The following SPATA17 variants were observed in gnomAD, a reference collection of about 807,000 sequenced individuals.
SPATA17 encodes spermatogenesis-associated protein 17.
SPATA17 carries 53 observed loss-of-function variants against 62.2 expected under a neutral mutation model. That is an observed-to-expected ratio of 0.85 (90% confidence interval 0.68 to 1.07). SPATA17 has a LOEUF of 1.07. Ranked by LOEUF, SPATA17 falls within the 50% of genes least tolerant of loss-of-function variation. The pLI is 0.00. For synonymous variants in SPATA17, 146 were observed against 146.8 expected (o/e 0.99, Z 0.04); for missense variants, 466 against 425.5 (o/e 1.10, Z -0.84).
chr1:217,711,252 A>G (rs770542374), intron 5 of SPATA17, among the ~76,000 whole-genome samples: 19 of 152,218 alleles, frequency 1.2e-4, no homozygotes, highest in Non-Finnish European at 2.5e-4. Context: ...GGTAATAAAC[A>G]TAGTACCTTA....
chr1:217,868,335 T>C lies in SPATA17; in HGVS notation c.*1316T>C, dbSNP rs1199558073. ...AAGAAGTGAGTTAAAATACATATAC[T>C]CCTCCTCTTATAATCGGTTATGTGC... On this transcript the variant is annotated 3_prime_UTR_variant, in exon 11 of 11. Coordinates refer to ENST00000366933, the MANE Select transcript of SPATA17 (RefSeq NM_138796.4). 2 of 152,116 alleles carry C rather than the reference T, an allele frequency of 1.3e-5. No homozygotes were observed. Among genetic ancestry groups the C allele is most frequent in the Non-Finnish European group, 2.9e-5 (2 of 68,016 alleles). 9.4% of individuals were successfully genotyped at this position (152,116 alleles called of 1,614,324 possible). A position where few individuals can be genotyped will look rare whatever the true frequency, so the allele number is the denominator to read the frequency against.
chr1:217,740,560 A>G (rs115990206), intron 5 of SPATA17, among the ~76,000 whole-genome samples: 2 of 152,296 alleles, frequency 1.3e-5, no homozygotes, highest in South Asian at 2.1e-4. Context: ...TTTGTTTGGT[A>G]CAGAACAAAT....
Position 217,868,649 on chromosome 1 carries a change from A to G in SPATA17, c.*1630A>G, listed in dbSNP as rs1676067574. On this transcript the variant is annotated 3_prime_UTR_variant, in exon 11 of 11. Coordinates refer to ENST00000366933, the MANE Select transcript of SPATA17 (RefSeq NM_138796.4). ...CTACTGAATGCATTGTAAACCAGAA[A>G]GTATCTGAGACAATGTTTTTTTTTT... is the stretch of plus-strand genomic sequence containing the variant. 1.3e-5 allele frequency: 2 copies of G among 150,718 alleles called. No homozygotes were observed. The highest frequency in any genetic ancestry group is 4.2e-4 in the South Asian group (2 of 4,728). 9.3% of individuals were successfully genotyped at this position (150,718 alleles called of 1,614,324 possible). A position where few individuals can be genotyped will look rare whatever the true frequency, so the allele number is the denominator to read the frequency against.
rs1048154017 is a variant in SPATA17, at chr1:217,868,315, G to A, written c.*1296G>A. 2.0e-5 allele frequency: 3 copies of A among 152,152 alleles called. No individual in the cohort carries two copies. The highest frequency in any genetic ancestry group is 7.2e-5 in the African/African-American group (3 of 41,440). The allele number at this position is 152,152 out of a possible 1,614,324, so 9.4% of individuals were successfully genotyped here. On this transcript the variant is annotated 3_prime_UTR_variant, in exon 11 of 11. Coordinates refer to ENST00000366933, the MANE Select transcript of SPATA17 (RefSeq NM_138796.4). ...GGGATTTAATTTGAAAGTCAAAGAA[G>A]TGAGTTAAAATACATATACTCCTCC...
chr1:217,816,038 A>G (rs923782727), intron 9 of SPATA17, among the ~76,000 whole-genome samples: 4 of 151,952 alleles, frequency 2.6e-5, no homozygotes, highest in Non-Finnish European at 5.9e-5. Flanking sequence ...ATATCCTTTC[A>G]TTGTCATTAA....
intron 4 of SPATA17, among the ~76,000 whole-genome samples, chr1:217,674,715 T>C (rs538336040): frequency 6.6e-6 from 1 of 152,268 alleles, no homozygotes; most frequent in South Asian, 2.1e-4. Context: ...GGATGGATGG[T>C]GAAGTGTTAA....
chr1:217,803,173 A>G (rs981003574), intron 9 of SPATA17, among the ~76,000 whole-genome samples: 1 of 152,042 alleles, frequency 6.6e-6, no homozygotes, highest in Admixed American at 6.6e-5. Context: ...CAGCCTCCCA[A>G]AGTTCTGGGA....
At chr1:217,845,451 G>A (rs2103008823) in intron 9 of SPATA17, among the ~76,000 whole-genome samples, 1 of 152,068 alleles carries the variant, frequency 6.6e-6, no homozygotes, top group African/African-American at 2.4e-5. Flanking sequence ...GGAAGAGATG[G>A]GAAATTATAG....
intron 9 of SPATA17, among the ~76,000 whole-genome samples, chr1:217,821,807 C>T (rs61825859): frequency 0.032 from 4,824 of 152,076 alleles, 111 homozygotes; most frequent in Middle Eastern, 0.065. Flanking sequence ...ATTTCAGATT[C>T]AGAAGTAATG....
At chr1:217,764,256 A>G (rs1216688558) in intron 6 of SPATA17, among the ~76,000 whole-genome samples, 3 of 151,956 alleles carry the variant, frequency 2.0e-5, no homozygotes. Flanking sequence ...CTCCCTCCCT[A>G]CAACCTCCGT....
chr1:217,866,331 C>T (rs904676396), intron 10 of SPATA17: 1 of 152,186 alleles, frequency 6.6e-6, no homozygotes, highest in African/African-American at 2.4e-5. Context: ...ATTATAACCA[C>T]CCCACCTACC....
chr1:217,634,191 C>T (rs1051809934), intron 1 of SPATA17, among the ~76,000 whole-genome samples: 8 of 152,236 alleles, frequency 5.3e-5, no homozygotes, highest in Middle Eastern at 6.8e-3. Context: ...TGCCTGTTGC[C>T]TAGACAGAGC....
intron 9 of SPATA17, among the ~76,000 whole-genome samples, chr1:217,842,966 A>G (rs544918286): frequency 1.3e-5 from 2 of 150,634 alleles, no homozygotes; most frequent in African/African-American, 2.4e-5. Context: ...TTTTTTTTCT[A>G]TATTGACTCA....
At position 217,774,496 on chromosome 1, in the gene SPATA17, C is replaced by T. The variant is rs768392685; in HGVS notation, c.682C>T (p.Arg228Trp). 4.0e-5 allele frequency: 64 copies of T among 1,613,856 alleles called. No homozygotes were observed. The highest frequency in any genetic ancestry group is 2.2e-4 in the Admixed American group (13 of 59,996). The change falls in exon 7 of 11, where the codon CGG becomes TGG. Residue 228 changes from arginine to tryptophan, a missense_variant. Physicochemically the swap from Arg to Trp is moderately radical, Grantham distance 101. Coordinates refer to ENST00000366933, the MANE Select transcript of SPATA17 (RefSeq NM_138796.4). ...TTGTACAAGCGCCCGTTCTTTTCCT[C>T]GGTCTGAAATTCTACCACCTATTAA... Reference protein sequence around the residue: ...LACTSARSFPRSEILPPINRK... With the variant: ...LACTSARSFPWSEILPPINRK...
chr1:217,798,969 T>C (rs1489182407), intron 8 of SPATA17, among the ~76,000 whole-genome samples: 1 of 151,322 alleles, frequency 6.6e-6, no homozygotes, highest in Non-Finnish European at 1.5e-5. Context: ...ACTGAATATA[T>C]ATTAAAAACT....
At chr1:217,760,653 A>G (rs1316814168) in intron 6 of SPATA17, among the ~76,000 whole-genome samples, 1 of 152,194 alleles carries the variant, frequency 6.6e-6, no homozygotes, top group Non-Finnish European at 1.5e-5. Context: ...GCAGAATCCC[A>G]TATAACACTA....
At chr1:217,656,878 G>C (rs193031460) in intron 3 of SPATA17, among the ~76,000 whole-genome samples, 1 of 152,268 alleles carries the variant, frequency 6.6e-6, no homozygotes, top group East Asian at 1.9e-4. Flanking sequence ...CTGTTATGTG[G>C]AGAAGAGTTC....
At chr1:217,749,985 C>CTCTCTCTCTCTCTCTATATATATA in intron 6 of SPATA17, among the ~76,000 whole-genome samples, 4 of 12,312 alleles carry the variant, frequency 3.2e-4, no homozygotes, top group East Asian at 2.3e-3. Flanking sequence ...CTCTCTCTCT[C>CTCTCTCTCTCTCTCTATATATATA]TATATATATA....
At chr1:217,800,957 A>G (rs2102987374) in intron 8 of SPATA17, among the ~76,000 whole-genome samples, 1 of 152,294 alleles carries the variant, frequency 6.6e-6, no homozygotes, top group East Asian at 1.9e-4. Flanking sequence ...GGGTTTTAAA[A>G]GTTTGGTCTT....
Sources: gnomAD v4.1 joint callset for allele counts (sites outside exome capture counted in the v4.1 genomes callset) on GRCh38, gnomAD v4.1.1 for gene constraint, MANE v1.5 for transcripts, NCBI Gene and HGNC (gene_info 2026-07-23, HGNC 2026-07-21) for gene names.